AGBL4: variants seen among roughly 807,000 people sequenced by gnomAD.
The protein encoded by AGBL4 is cytosolic carboxypeptidase 6.
A neutral mutation model predicts 66.4 loss-of-function variants in AGBL4; 58 were observed. The ratio of observed to expected loss-of-function variants is 0.87; its 90% CI spans 0.71 to 1.09. AGBL4 has a LOEUF of 1.09. Among genes scored for constraint, AGBL4 ranks in the 50% least tolerant of loss-of-function variants. AGBL4 has a pLI of 0.00. For synonymous variants in AGBL4, 234 were observed against 222.9 expected (o/e 1.05, Z -0.44); for missense variants, 579 against 631.0 (o/e 0.92, Z 0.88).
At chr1:49,041,488 C>A (rs990342203) in intron 5 of AGBL4, among the ~76,000 whole-genome samples, 2 of 152,054 alleles carry the variant, frequency 1.3e-5, no homozygotes, top group African/African-American at 4.8e-5. Flanking sequence ...TAAGGTAAAT[C>A]CCTTTCTCAA....
chr1:49,292,902 C>A (rs1016754607), intron 3 of AGBL4, among the ~76,000 whole-genome samples: 2 of 152,320 alleles, frequency 1.3e-5, no homozygotes, highest in South Asian at 4.1e-4. Flanking sequence ...GATAAGAACT[C>A]GGAACCTGTT....
At chr1:49,534,171 C>CAAAAAAAAAAAAAAAAA (rs71059553) in intron 3 of AGBL4, among the ~76,000 whole-genome samples, 1 of 67,062 alleles carries the variant, frequency 1.5e-5, no homozygotes, top group East Asian at 7.3e-4. Flanking sequence ...CACCATTTTA[C>CAAAAAAAAAAAAAAAAA]AAAAAAAAAA....
At chr1:49,921,944 A>T (rs1652301026) in intron 1 of AGBL4, among the ~76,000 whole-genome samples, 1 of 152,160 alleles carries the variant, frequency 6.6e-6, no homozygotes, top group Non-Finnish European at 1.5e-5. Flanking sequence ...CCAAAAAAAT[A>T]CTTTACCAGC....
intron 3 of AGBL4, among the ~76,000 whole-genome samples, chr1:49,642,922 G>A (rs1645812349): frequency 6.6e-6 from 1 of 151,986 alleles, no homozygotes; most frequent in Non-Finnish European, 1.5e-5. Context: ...AATTCACCAT[G>A]TGTGGCATCT....
chr1:48,858,733 A>T (rs1477239935), intron 6 of AGBL4, among the ~76,000 whole-genome samples: 1 of 152,196 alleles, frequency 6.6e-6, no homozygotes, highest in Non-Finnish European at 1.5e-5. Flanking sequence ...GGGTGATGGC[A>T]GTGTTCTGGA....
At chr1:49,627,908 C>T (rs1490801752) in intron 3 of AGBL4, among the ~76,000 whole-genome samples, 5 of 152,090 alleles carry the variant, frequency 3.3e-5, no homozygotes, top group Admixed American at 2.6e-4. Context: ...CCAGATATAC[C>T]ATTTCCATAA....
chr1:48,783,425 G>A (rs1457785187), intron 6 of AGBL4, among the ~76,000 whole-genome samples: 1 of 152,152 alleles, frequency 6.6e-6, no homozygotes, highest in Admixed American at 6.5e-5. Flanking sequence ...CAGGCTTAAA[G>A]GCCAATGAAC....
intron 5 of AGBL4, among the ~76,000 whole-genome samples, chr1:48,939,015 A>G (rs776246894): frequency 1.3e-5 from 2 of 152,174 alleles, no homozygotes; most frequent in Non-Finnish European, 2.9e-5. Context: ...AATACTTTGA[A>G]GTTGACTTAC....
intron 7 of AGBL4, among the ~76,000 whole-genome samples, chr1:48,662,935 T>A (rs1019263788): frequency 6.6e-6 from 1 of 152,210 alleles, no homozygotes; most frequent in Non-Finnish European, 1.5e-5. Flanking sequence ...TATCCATCCA[T>A]CCATCTATCC....
chr1:49,680,680 G>T (rs1201979682), intron 3 of AGBL4, among the ~76,000 whole-genome samples: 1 of 151,912 alleles, frequency 6.6e-6, no homozygotes, highest in African/African-American at 2.4e-5. Context: ...ATTTGGCTAT[G>T]ATATGTCTTG....
intron 3 of AGBL4, among the ~76,000 whole-genome samples, chr1:49,342,831 T>G (rs1020377531): frequency 6.6e-6 from 1 of 152,208 alleles, no homozygotes; most frequent in Non-Finnish European, 1.5e-5. Context: ...TTCTAGATCT[T>G]ATAAAAACTG....
At chr1:48,888,027 A>G (rs903743225) in intron 5 of AGBL4, among the ~76,000 whole-genome samples, 1 of 152,164 alleles carries the variant, frequency 6.6e-6, no homozygotes, top group Non-Finnish European at 1.5e-5. Flanking sequence ...CAACCCTTGC[A>G]GTTTTCAGAA....
chr1:48,966,458 C>T (rs1314438544), intron 5 of AGBL4, among the ~76,000 whole-genome samples: 2 of 152,036 alleles, frequency 1.3e-5, no homozygotes, highest in African/African-American at 4.8e-5. Context: ...ACCCAAGCCC[C>T]CAAGTTGGGA....
intron 3 of AGBL4, among the ~76,000 whole-genome samples, chr1:49,687,839 T>C (rs1043000695): frequency 1.3e-5 from 2 of 151,950 alleles, no homozygotes; most frequent in Non-Finnish European, 2.9e-5. Context: ...TACACTAAAA[T>C]TGAAATAATA....
intron 2 of AGBL4, among the ~76,000 whole-genome samples, chr1:49,812,995 A>T (rs953215458): frequency 2.0e-5 from 3 of 152,196 alleles, no homozygotes; most frequent in Admixed American, 6.6e-5. Flanking sequence ...TGAACTAAAA[A>T]GCGCATCACC....
At chr1:48,902,868 C>T (rs1371258452) in intron 5 of AGBL4, among the ~76,000 whole-genome samples, 1 of 152,170 alleles carries the variant, frequency 6.6e-6, no homozygotes, top group Non-Finnish European at 1.5e-5. Flanking sequence ...CCATTGCCCT[C>T]AGGATGATGT....
intron 3 of AGBL4, among the ~76,000 whole-genome samples, chr1:49,384,046 C>T (rs764606368): frequency 2.7e-4 from 41 of 151,968 alleles, no homozygotes; most frequent in Non-Finnish European, 4.9e-4. Flanking sequence ...CCGCCCACCT[C>T]GGCCTCCCAA....
chr1:48,872,324 T>C (rs1227881483), intron 5 of AGBL4, among the ~76,000 whole-genome samples: 1 of 152,196 alleles, frequency 6.6e-6, no homozygotes, highest in Non-Finnish European at 1.5e-5. Context: ...TAATTTTTCA[T>C]CCCAGGCTGC....
At chr1:48,650,047 C>T (rs1275474737) in intron 8 of AGBL4, among the ~76,000 whole-genome samples, 1 of 152,228 alleles carries the variant, frequency 6.6e-6, no homozygotes, top group Non-Finnish European at 1.5e-5. Flanking sequence ...CTCCTGCCTT[C>T]CCTTCTCACA....
Sources: allele counts gnomAD v4.1 joint callset (sites outside exome capture counted in the v4.1 genomes callset), GRCh38; gene constraint gnomAD v4.1.1; transcripts MANE v1.5; gene names NCBI Gene and HGNC (gene_info 2026-07-23, HGNC 2026-07-21).